The following MPPED1 variants were observed in gnomAD, a reference collection of about 807,000 sequenced individuals.
MPPED1 encodes the protein metallophosphoesterase domain containing 1.
MPPED1 carries 16 observed loss-of-function variants against 36.2 expected under a neutral mutation model. The observed-to-expected ratio is 0.44, with a 90% confidence interval of 0.30 to 0.67. MPPED1 has a LOEUF of 0.67. MPPED1 is among the 30% of genes least tolerant of loss of function. The pLI is 0.10. For synonymous variants in MPPED1, 199 were observed against 191.3 expected, an observed-to-expected ratio of 1.04 and a Z score of -0.33; for missense variants, 307 against 453.4, an observed-to-expected ratio of 0.68 and a Z score of 2.93.
intron 4 of MPPED1, among the ~76,000 whole-genome samples, chr22:43,483,461 C>T (rs1311158999): frequency 1.3e-5 from 2 of 152,272 alleles, no homozygotes; most frequent in Non-Finnish European, 2.9e-5. Context: ...CCCCAGGTGT[C>T]GGTTTGGACT....
At position 43,505,523 on chromosome 22, in the gene MPPED1, G is replaced by A. The variant is rs766833397; in HGVS notation, c.888G>A (p.Thr296=). Residue 296 remains threonine, a synonymous_variant, in exon 7 of 7, where the codon ACG becomes ACA. Coordinates refer to ENST00000443721, the MANE Select transcript of MPPED1 (RefSeq NM_001044370.2). ...HEGYGVMADG[T]TTYVNASVCT... is the part of the protein sequence containing the mutation. The stretch of plus-strand genomic sequence containing the variant: ...GGTATGGTGTCATGGCAGATGGGAC[G>A]ACCACCTATGTGAATGCGTCCGTAT... The A allele has an allele frequency of 1.1e-5, 17 of 1,611,144 alleles. No individual in the cohort carries two copies. Among genetic ancestry groups the A allele is most frequent in the Middle Eastern group, 1.6e-4 (1 of 6,082 alleles).
At position 43,507,435 on chromosome 22, in the gene MPPED1, T is replaced by C. The variant is rs1932830291; in HGVS notation, c.*1819T>C. ...GGCAGCAGCACTGTATCGGGTTGGCTGAAGCTGAGCGCCGTGGGGTGCAGG... is the reference window on the plus strand; with the variant it reads ...GGCAGCAGCACTGTATCGGGTTGGCCGAAGCTGAGCGCCGTGGGGTGCAGG... On this transcript the variant is annotated 3_prime_UTR_variant, in exon 7 of 7. Transcript: ENST00000443721. The C allele has an allele frequency of 6.6e-6, 1 of 152,116 alleles. No individual in the cohort carries two copies. Among genetic ancestry groups the C allele is most frequent in the Admixed American group, 6.6e-5 (1 of 15,258 alleles). 9.4% of individuals were successfully genotyped at this position (152,116 alleles called of 1,614,324 possible). A position where few individuals can be genotyped will look rare whatever the true frequency, so the allele number is the denominator to read the frequency against.
intron 4 of MPPED1, among the ~76,000 whole-genome samples, chr22:43,487,378 G>T (rs1931945356): frequency 6.6e-6 from 1 of 152,208 alleles, no homozygotes; most frequent in African/African-American, 2.4e-5. Context: ...GAAGTGGATG[G>T]TTAAGGTTGA....
At chr22:43,473,875 A>G (rs1342796705) in intron 3 of MPPED1, among the ~76,000 whole-genome samples, 1 of 152,208 alleles carries the variant, frequency 6.6e-6, no homozygotes, top group Non-Finnish European at 1.5e-5. Context: ...CATCCAGAAA[A>G]CTGGACCCCA....
At chr22:43,419,955 A>G (rs1929206980) in intron 1 of MPPED1, among the ~76,000 whole-genome samples, 1 of 152,138 alleles carries the variant, frequency 6.6e-6, no homozygotes, top group Admixed American at 6.5e-5. Context: ...GGAAAGAGAA[A>G]CCATCTGATA....
rs575090373 is a variant in MPPED1, at chr22:43,491,646, G to A, written c.633-6589G>A. Among the ~76,000 whole-genome samples the A allele has an allele frequency of 3.4e-5, 5 of 147,940 alleles. No homozygotes were observed. In the South Asian group the frequency reaches 1.1e-3, roughly 33 times the overall value. On this transcript the variant is annotated intron_variant, in intron 4 of 6. Coordinates refer to ENST00000443721, the MANE Select transcript of MPPED1 (RefSeq NM_001044370.2). Reference sequence around the variant, plus strand: ...GGTGGTGATGGTGATGGAGGTGGTGGTTATGGAGGTGGTGGTGATGGTGAT... The same window carrying A: ...GGTGGTGATGGTGATGGAGGTGGTGATTATGGAGGTGGTGGTGATGGTGAT...
intron 3 of MPPED1, among the ~76,000 whole-genome samples, chr22:43,454,394 T>C (rs1277248091): frequency 6.6e-6 from 1 of 152,178 alleles, no homozygotes; most frequent in Non-Finnish European, 1.5e-5. Context: ...AGCCTTGATC[T>C]CCTGAGCTCA....
chr22:43,495,927 A>T (rs1371622556), intron 4 of MPPED1, among the ~76,000 whole-genome samples: 2 of 100,892 alleles, frequency 2.0e-5, no homozygotes, highest in African/African-American at 3.7e-5. Context: ...GTGGTGGTGG[A>T]GGTGATGGTG....
At chr22:43,427,470 G>C (rs1929517600) in intron 2 of MPPED1, among the ~76,000 whole-genome samples, 2 of 152,072 alleles carry the variant, frequency 1.3e-5, no homozygotes, top group African/African-American at 2.4e-5. Context: ...TGGAGGCCCA[G>C]CTGGGCAGGC....
chr22:43,438,092 G>A (rs1930026580), intron 3 of MPPED1, among the ~76,000 whole-genome samples: 1 of 152,188 alleles, frequency 6.6e-6, no homozygotes, highest in African/African-American at 2.4e-5. Context: ...TGGGGTAACA[G>A]TAGGCCCTGA....
chr22:43,461,609 G>A (rs897792070), intron 3 of MPPED1, among the ~76,000 whole-genome samples: 1 of 152,144 alleles, frequency 6.6e-6, no homozygotes, highest in Non-Finnish European at 1.5e-5. Flanking sequence ...TGCCCAGAGT[G>A]TTATGTTGCT....
intron 1 of MPPED1, chr22:43,418,245 T>C: frequency 2.3e-6 from 1 of 441,956 alleles, no homozygotes; most frequent in South Asian, 1.6e-5. Flanking sequence ...GGACAGCAGA[T>C]GTGAACTGGG....
chr22:43,426,732 C>T (rs5759339), intron 2 of MPPED1, among the ~76,000 whole-genome samples: 50,971 of 152,102 alleles, frequency 0.34, 9,610 homozygotes, highest in East Asian at 0.62. Context: ...CGGGGATCGC[C>T]CTCTTCCAGT....
intron 4 of MPPED1, among the ~76,000 whole-genome samples, chr22:43,495,742 A>G (rs1002364128): frequency 0.27 from 336 of 1,264 alleles, no homozygotes; most frequent in Middle Eastern, 0.5. Flanking sequence ...TGGTGGAGGT[A>G]GTGGTGGTGG....
chr22:43,464,255 T>A (rs1931082000), intron 3 of MPPED1, among the ~76,000 whole-genome samples: 1 of 151,948 alleles, frequency 6.6e-6, no homozygotes, highest in African/African-American at 2.4e-5. Flanking sequence ...TGCATTTGTG[T>A]ATATGAATTG....
chr22:43,473,683 G>A (rs1025387283), intron 3 of MPPED1, among the ~76,000 whole-genome samples: 1 of 152,222 alleles, frequency 6.6e-6, no homozygotes, highest in African/African-American at 2.4e-5. Flanking sequence ...CAAGCCTGGG[G>A]TCAGGCTGGC....
chr22:43,453,455 C>G (rs1046537064), intron 3 of MPPED1, among the ~76,000 whole-genome samples: 1 of 152,108 alleles, frequency 6.6e-6, no homozygotes, highest in Admixed American at 6.5e-5. Flanking sequence ...CCAGCACAAT[C>G]CTTGCTGGGA....
At chr22:43,426,900 C>T (rs1224765262) in intron 2 of MPPED1, among the ~76,000 whole-genome samples, 1 of 152,218 alleles carries the variant, frequency 6.6e-6, no homozygotes, top group Admixed American at 6.5e-5. Context: ...GGAAGGAAGG[C>T]CCCGGGCCTC....
intron 3 of MPPED1, among the ~76,000 whole-genome samples, chr22:43,462,675 C>T (rs1044535402): frequency 6.6e-6 from 1 of 152,128 alleles, no homozygotes; most frequent in Non-Finnish European, 1.5e-5. Context: ...TTTAAACACC[C>T]CTCTGTAGTG....
Sources: allele counts gnomAD v4.1 joint callset (sites outside exome capture counted in the v4.1 genomes callset), GRCh38; gene constraint gnomAD v4.1.1; transcripts MANE v1.5; gene names NCBI Gene and HGNC (gene_info 2026-07-23, HGNC 2026-07-21).